Variants in FER observed in about 807,000 individuals in gnomAD.
The protein encoded by FER is FER tyrosine kinase.
In FER, 63 loss-of-function variants were observed where a neutral mutation model predicts 111.0. That is an observed-to-expected ratio of 0.57 (90% CI 0.46 to 0.70). FER has a LOEUF of 0.70. Ranked by LOEUF, FER falls within the 30% of genes least tolerant of loss-of-function variation. The probability of loss-of-function intolerance (pLI) is 0.00; values close to 1 mark genes in which losing one functional copy is unlikely to be tolerated. For missense variants in FER, 914 were observed against 954.0 expected (o/e 0.96, Z 0.55); for synonymous variants, 327 against 313.9 (o/e 1.04, Z -0.44).
At chr5:109,031,780 G>T (rs1367209915) in intron 13 of FER, among the ~76,000 whole-genome samples, 1 of 152,078 alleles carries the variant, frequency 6.6e-6, no homozygotes. Context: ...AATACTACCT[G>T]TTTTTTGAGA....
intron 18 of FER, among the ~76,000 whole-genome samples, chr5:109,185,113 G>C (rs551900146): frequency 6.6e-6 from 1 of 152,278 alleles, no homozygotes; most frequent in African/African-American, 2.4e-5. Context: ...GGAAAAAACT[G>C]ATCTGCTTCC....
chr5:108,996,354 G>C (rs1763977415), intron 13 of FER, among the ~76,000 whole-genome samples: 1 of 152,128 alleles, frequency 6.6e-6, no homozygotes, highest in African/African-American at 2.4e-5. Context: ...TGTCCTGAAT[G>C]GTAATGCCTA....
At chr5:108,842,728 A>C (rs1202475024) in intron 5 of FER, 1 of 152,194 alleles carries the variant, frequency 6.6e-6, no homozygotes, top group Non-Finnish European at 1.5e-5. Context: ...GCCATAATAC[A>C]AAAACAAAAC....
rs1253694318 is a variant in FER at position 109,192,038 on chromosome 5, A to AATT, written c.*4465_*4467dup. 3 of 152,180 alleles carry AATT rather than the reference A, an allele frequency of 2.0e-5. No individual in the cohort carries two copies. The highest frequency in any genetic ancestry group is 7.2e-5 in the African/African-American group (3 of 41,436). The allele number at this position is 152,180 out of a possible 1,614,324, so 9.4% of individuals were successfully genotyped here. On this transcript the variant is annotated 3_prime_UTR_variant, in exon 20 of 20. Transcript: ENST00000281092. ...TCCTCCTGCCTCATACCGATTCAGA[A>AATT]ATTAAATTCTGAACTTTTAGTGTAG... is the stretch of plus-strand genomic sequence containing the variant.
chr5:108,999,252 T>C (rs1764399761), intron 13 of FER, among the ~76,000 whole-genome samples: 1 of 152,224 alleles, frequency 6.6e-6, no homozygotes, highest in Admixed American at 6.5e-5. Context: ...TTTGCATGTT[T>C]ATCATTTGTT....
At chr5:108,761,164 G>A (rs1201679065) in intron 1 of FER, among the ~76,000 whole-genome samples, 5 of 152,164 alleles carry the variant, frequency 3.3e-5, no homozygotes, top group East Asian at 3.9e-4. Flanking sequence ...CCCTGGCCTC[G>A]TGGTCCCCCC....
rs561628326 is a variant in FER, at chr5:108,780,748, T to C, written c.-60+12510T>C. 1.2e-3 allele frequency among the ~76,000 whole-genome samples: 175 copies of C among 149,922 alleles called. 1 individual carries two copies. The highest frequency in any genetic ancestry group is 4.2e-3 in the African/African-American group (171 of 40,876). Reference sequence around the variant, plus strand: ...TCTGTTCCTTTCTCTCATTCTTCTTTTGGTATTCCCATTACATGTATGTTA... The same window carrying C: ...TCTGTTCCTTTCTCTCATTCTTCTTCTGGTATTCCCATTACATGTATGTTA... On this transcript the variant is annotated intron_variant, in intron 2 of 19. Transcript: ENST00000281092.
chr5:108,748,313 C>A (rs1463656898), intron 1 of FER: 1 of 152,312 alleles, frequency 6.6e-6, no homozygotes, highest in African/African-American at 2.4e-5. Context: ...CTTCCCTTCC[C>A]GGAGATTTCA....
chr5:108,752,444 T>G (rs928720902), intron 1 of FER, among the ~76,000 whole-genome samples: 2 of 152,048 alleles, frequency 1.3e-5, no homozygotes, highest in African/African-American at 4.8e-5. Context: ...CATCAAAATT[T>G]GTAAGAGTTC....
chr5:108,762,077 A>T (rs1383121627), intron 1 of FER, among the ~76,000 whole-genome samples: 1 of 150,840 alleles, frequency 6.6e-6, no homozygotes, highest in Non-Finnish European at 1.5e-5. Flanking sequence ...CACCTGGCTA[A>T]TTTTTTTTTG....
intron 13 of FER, among the ~76,000 whole-genome samples, chr5:108,993,180 A>G (rs917453295): frequency 6.6e-6 from 1 of 152,154 alleles, no homozygotes; most frequent in African/African-American, 2.4e-5. Flanking sequence ...TGGGAGGCCA[A>G]GGCAGGCGGC....
At chr5:108,755,462 C>G (rs1012826638) in intron 1 of FER, among the ~76,000 whole-genome samples, 2 of 152,116 alleles carry the variant, frequency 1.3e-5, no homozygotes, top group South Asian at 2.1e-4. Context: ...GTGCATTTGA[C>G]TCTTCTAGCA....
chr5:108,825,093 C>T (rs1469029279), intron 3 of FER, among the ~76,000 whole-genome samples: 2 of 152,112 alleles, frequency 1.3e-5, no homozygotes, highest in Non-Finnish European at 2.9e-5. Flanking sequence ...GATCACAGGA[C>T]CACAGGACGG....
In FER at chr5:108,924,277, TTGAACCC is replaced by T. The variant is rs1031899780; in HGVS notation, c.1237-21852_1237-21846del. Among the ~76,000 whole-genome samples, 7 of 150,410 alleles carry T rather than the reference TTGAACCC, an allele frequency of 4.7e-5. No individual in the cohort carries two copies. The South Asian group carries it at 6.3e-4, about 14-fold the overall frequency. On this transcript the variant is annotated intron_variant, in intron 10 of 19. Transcript: ENST00000281092. ...CAGGAGACTCAGGCAGGATAATCAC[TTGAACCC>T]GGGAAGCAGAGGTTGCAGAGAGTCA...
At chr5:109,018,378 T>C (rs1767474923) in intron 13 of FER, among the ~76,000 whole-genome samples, 1 of 151,898 alleles carries the variant, frequency 6.6e-6, no homozygotes, top group Non-Finnish European at 1.5e-5. Flanking sequence ...GGCTTTAAGA[T>C]GAAGTTAAAA....
intron 9 of FER, among the ~76,000 whole-genome samples, chr5:108,887,105 T>C (rs969723194): frequency 6.6e-6 from 1 of 151,742 alleles, no homozygotes; most frequent in Non-Finnish European, 1.5e-5. Flanking sequence ...CTCAACACTT[T>C]GTTAGTTTCA....
At chr5:108,959,938 T>A (rs907284704) in intron 13 of FER, among the ~76,000 whole-genome samples, 22 of 152,182 alleles carry the variant, frequency 1.4e-4, no homozygotes, top group African/African-American at 5.1e-4. Context: ...AGTATGGGTA[T>A]GTGGAAGTTT....
intron 10 of FER, among the ~76,000 whole-genome samples, chr5:108,921,616 C>T (rs754437766): frequency 6.6e-6 from 1 of 151,922 alleles, no homozygotes; most frequent in African/African-American, 2.4e-5. Context: ...CATACCTGAC[C>T]GATTATTCTT....
chr5:109,151,493 G>A (rs938304272), intron 17 of FER, among the ~76,000 whole-genome samples: 6 of 152,092 alleles, frequency 3.9e-5, no homozygotes, highest in African/African-American at 7.2e-5. Context: ...TGACCAGGGT[G>A]TGTGATTTCT....
Sources: allele counts gnomAD v4.1 joint callset (sites outside exome capture counted in the v4.1 genomes callset), GRCh38; gene constraint gnomAD v4.1.1; transcripts MANE v1.5; gene names NCBI Gene and HGNC (gene_info 2026-07-23, HGNC 2026-07-21).